Variants in DGLUCY observed in about 807,000 individuals in gnomAD.
DGLUCY encodes D-glutamate cyclase, mitochondrial.
In DGLUCY, 58 loss-of-function variants were observed where a neutral mutation model predicts 58.5. That is an observed-to-expected ratio of 0.99 (90% CI 0.80 to 1.23). The LOEUF is 1.23. DGLUCY is among the 50% of genes most tolerant of loss of function. The pLI, the probability that DGLUCY is intolerant of heterozygous loss-of-function variation, is 0.00. For missense variants in DGLUCY, 779 were observed against 784.7 expected (o/e 0.99, Z 0.09); for synonymous variants, 325 against 314.1 (o/e 1.03, Z -0.37).
chr14:91,076,516 C>A (rs927465764), intron 1 of DGLUCY, among the ~76,000 whole-genome samples: 1 of 151,976 alleles, frequency 6.6e-6, no homozygotes, highest in African/African-American at 2.4e-5. Flanking sequence ...ATGTAGAAGC[C>A]ATAGATAGGA....
At chr14:91,082,333 C>A (rs555397928) in intron 1 of DGLUCY, among the ~76,000 whole-genome samples, 1 of 152,332 alleles carries the variant, frequency 6.6e-6, no homozygotes, top group East Asian at 1.9e-4. Flanking sequence ...TTCTGACCAT[C>A]ATTTTAACCA....
intron 11 of DGLUCY, among the ~76,000 whole-genome samples, chr14:91,203,414 C>G (rs1567005502): frequency 6.6e-6 from 1 of 152,210 alleles, no homozygotes; most frequent in Non-Finnish European, 1.5e-5. Flanking sequence ...TCTTCCAAGC[C>G]TTTATAGAAG....
chr14:91,070,029 TTAGTA>T (rs1169533509), intron 1 of DGLUCY, among the ~76,000 whole-genome samples: 9 of 152,108 alleles, frequency 5.9e-5, no homozygotes, highest in South Asian at 2.1e-4. Context: ...AAAATCGACT[TTAGTA>T]TAGGTGATCT....
Position 91,224,828 on chromosome 14 carries a change from GTGT to G in DGLUCY, c.1862_1864del (p.Val621_Ter622delinsGlu). On this transcript the variant is annotated stop_lost and inframe_deletion, in exon 14 of 14. Transcript: ENST00000256324. ...GCTGGTGGACGTCACCACGGCACAGGTGTAACCGTCCATGTTCCGTGTGAGCAG... is the reference window on the plus strand; with the variant it reads ...GCTGGTGGACGTCACCACGGCACAGGAACCGTCCATGTTCCGTGTGAGCAG... The G allele has an allele frequency of 6.2e-7, 1 of 1,610,266 alleles. No individual in the cohort carries two copies. Among genetic ancestry groups the G allele is most frequent in the Middle Eastern group, 1.7e-4 (1 of 5,948 alleles).
intron 1 of DGLUCY, among the ~76,000 whole-genome samples, chr14:91,130,703 C>T (rs1202900577): frequency 6.6e-6 from 1 of 151,946 alleles, no homozygotes; most frequent in African/African-American, 2.4e-5. Context: ...CACACAGCCT[C>T]AACCTCCTAG....
chr14:91,209,046 G>T (rs1179425486), intron 12 of DGLUCY, among the ~76,000 whole-genome samples: 4 of 152,178 alleles, frequency 2.6e-5, no homozygotes, highest in Non-Finnish European at 5.9e-5. Flanking sequence ...AGGCGCAGTG[G>T]CTCACACCTG....
chr14:91,223,239 A>T (rs576809109), intron 13 of DGLUCY, among the ~76,000 whole-genome samples: 1 of 152,160 alleles, frequency 6.6e-6, no homozygotes, highest in Non-Finnish European at 1.5e-5. Flanking sequence ...TGTGAACCCC[A>T]TGGGGGCAGG....
intron 1 of DGLUCY, among the ~76,000 whole-genome samples, chr14:91,071,075 A>G (rs1333698462): frequency 2.6e-5 from 4 of 151,998 alleles, no homozygotes; most frequent in Non-Finnish European, 5.9e-5. Flanking sequence ...GCTCACACCT[A>G]TAATCCCAGT....
intron 8 of DGLUCY, among the ~76,000 whole-genome samples, chr14:91,188,353 C>A (rs1319526716): frequency 6.6e-6 from 1 of 152,176 alleles, no homozygotes; most frequent in Admixed American, 6.5e-5. Context: ...CGCGGCCACA[C>A]CAGACTGAAG....
At chr14:91,207,174 AAAAG>A (rs1164185152) in intron 12 of DGLUCY, among the ~76,000 whole-genome samples, 1 of 144,990 alleles carries the variant, frequency 6.9e-6, no homozygotes. Context: ...AAAAAAAAAA[AAAAG>A]AGGAAGTAGA....
chr14:91,135,495 C>G (rs932470817), intron 1 of DGLUCY, among the ~76,000 whole-genome samples: 3 of 151,828 alleles, frequency 2.0e-5, no homozygotes, highest in Admixed American at 6.6e-5. Flanking sequence ...ACTAAAAATA[C>G]AAAAATTAGC....
rs1380640342 is a variant in DGLUCY at position 91,166,402 on chromosome 14, C to T, written c.104-823C>T. ...ACATTAGGCCAGTTGCGGTGGCTCA[C>T]GCCTGTAAGCCCAGCACTTTGGGAG... is the stretch of plus-strand genomic sequence containing the variant. On this transcript the variant is annotated intron_variant, in intron 3 of 13. Coordinates refer to ENST00000256324, the MANE Select transcript of DGLUCY (RefSeq NM_001102368.3). 6.6e-5 allele frequency among the ~76,000 whole-genome samples: 10 copies of T among 152,292 alleles called. No individual in the cohort carries two copies. The East Asian group carries it at 1.3e-3, about 21-fold the overall frequency.
chr14:91,069,799 C>CTTTTTTTTTTTT (rs5810528), intron 1 of DGLUCY, among the ~76,000 whole-genome samples: 4 of 121,038 alleles, frequency 3.3e-5, no homozygotes, highest in Admixed American at 8.9e-5. Context: ...TGATATGCCT[C>CTTTTTTTTTTTT]TTTTTTTTTT....
chr14:91,168,865 T>A (rs940659588), intron 4 of DGLUCY, among the ~76,000 whole-genome samples: 1 of 152,158 alleles, frequency 6.6e-6, no homozygotes, highest in Non-Finnish European at 1.5e-5. Flanking sequence ...GGAGAGCAGA[T>A]CACCTGAGAT....
chr14:91,191,448 G>A (rs28627715), intron 9 of DGLUCY, among the ~76,000 whole-genome samples: 28,910 of 152,008 alleles, frequency 0.19, 3,731 homozygotes, highest in African/African-American at 0.35. Flanking sequence ...AAAACAGGCC[G>A]GGCACAGTGA....
chr14:91,083,408 G>C (rs897109241), intron 1 of DGLUCY, among the ~76,000 whole-genome samples: 3 of 151,872 alleles, frequency 2.0e-5, no homozygotes, highest in African/African-American at 7.3e-5. Flanking sequence ...TGTAATCCCA[G>C]CTACTTGGGA....
At position 91,126,584 on chromosome 14, in the gene DGLUCY, G is replaced by A. The variant is rs543483594; in HGVS notation, c.-82+12301G>A. ...AAACAAAAAACGTGTCAGACCAGGT[G>A]CGGTGGCTCAGGCCTGTTATCTCAG... On this transcript the variant is annotated intron_variant, in intron 1 of 13. Coordinates refer to ENST00000256324, the MANE Select transcript of DGLUCY (RefSeq NM_001102368.3). 7.4e-5 allele frequency: 14 copies of A among 188,506 alleles called. No individual in the cohort carries two copies. In the South Asian group the frequency reaches 1.6e-3, roughly 21 times the overall value. 11.7% of individuals were successfully genotyped at this position (188,506 alleles called of 1,614,324 possible). A position where few individuals can be genotyped will look rare whatever the true frequency, so the allele number is the denominator to read the frequency against.
upstream of DGLUCY, among the ~76,000 whole-genome samples, chr14:91,104,228 A>G (rs2140088674): frequency 6.6e-6 from 1 of 151,046 alleles, no homozygotes; most frequent in East Asian, 1.9e-4. Flanking sequence ...ACGCCCGGCT[A>G]ATTTTTTGTA....
upstream of DGLUCY, among the ~76,000 whole-genome samples, chr14:91,109,321 G>A (rs551192932): frequency 6.6e-6 from 1 of 152,226 alleles, no homozygotes; most frequent in East Asian, 1.9e-4. Flanking sequence ...ACAGCAGCGT[G>A]GACTCAAGAG....
Sources: allele counts gnomAD v4.1 joint callset (sites outside exome capture counted in the v4.1 genomes callset), GRCh38; gene constraint gnomAD v4.1.1; transcripts MANE v1.5; gene names NCBI Gene and HGNC (gene_info 2026-07-23, HGNC 2026-07-21).